TCTN2: variants seen among roughly 807,000 people sequenced by gnomAD.
TCTN2 encodes the protein tectonic family member 2, also known as tectonic-2.
TCTN2 carries 66 observed loss-of-function variants against 83.4 expected under a neutral mutation model. The observed-to-expected ratio is 0.79, with a 90% CI of 0.65 to 0.97. The LOEUF (loss-of-function observed/expected upper bound fraction) is 0.97, where lower values mean the gene tolerates loss of function less well. Ranked by LOEUF, TCTN2 falls within the 50% of genes least tolerant of loss-of-function variation. The pLI, the probability that TCTN2 is intolerant of heterozygous loss-of-function variation, is 0.00. For synonymous variants in TCTN2, 301 were observed against 326.7 expected (o/e 0.92, Z 0.85); for missense variants, 794 against 858.1 (o/e 0.93, Z 0.93).
At position 123,671,247 on chromosome 12, in the gene TCTN2, T is replaced by C. The variant is rs772107062; in HGVS notation, c.7T>C (p.Phe3Leu). Residue 3 changes from phenylalanine (F) to leucine (L), a missense_variant, in exon 1 of 18, where the codon TTC becomes CTC. By Grantham distance (22) the Phe-to-Leu change is conservative. Transcript: ENST00000303372. MG[F>L]QPPAALLLRL... The stretch of plus-strand genomic sequence containing the variant: ...GGCCCGCGAGGTCTAAGGCATGGGC[T>C]TCCAGCCTCCGGCCGCTCTTCTTTT... 3 of 1,613,140 alleles carry C rather than the reference T, an allele frequency of 1.9e-6. No individual in the cohort carries two copies. The African/African-American group carries it at 4.0e-5, about 21-fold the overall frequency.
At position 123,671,562 on chromosome 12, in the gene TCTN2, C is replaced by CG; in HGVS notation, c.140dup (p.Asp48ArgfsTer30). The CG allele has an allele frequency of 6.2e-7, 1 of 1,614,010 alleles. No individual in the cohort carries two copies. Among genetic ancestry groups the CG allele is most frequent in the Non-Finnish European group, 8.5e-7 (1 of 1,180,020 alleles). On this transcript the variant is annotated frameshift_variant, in exon 2 of 18. Transcript: ENST00000303372. LOFTEE classifies it high-confidence loss of function. The stretch of plus-strand genomic sequence containing the variant: ...GCCCTGCGGTCAGCGCGTCCCTGGT[C>CG]GGAGACACCGAGGGTGTGACCGTGT...
Position 123,671,180 on chromosome 12 carries a change from G to A in TCTN2, c.-61G>A, listed in dbSNP as rs1395999601. The A allele has an allele frequency of 4.4e-5, 67 of 1,511,054 alleles. No homozygotes were observed. The highest frequency in any genetic ancestry group is 5.9e-5 in the Non-Finnish European group (65 of 1,107,968). 93.6% of individuals were successfully genotyped at this position (1,511,054 alleles called of 1,614,324 possible). A position where few individuals can be genotyped will look rare whatever the true frequency, so the allele number is the denominator to read the frequency against. On this transcript the variant is annotated 5_prime_UTR_variant, in exon 1 of 18. Coordinates refer to ENST00000303372, the MANE Select transcript of TCTN2 (RefSeq NM_024809.5). The stretch of plus-strand genomic sequence containing the variant: ...GTGGCTGCTGCGTTTTCGTGTCTGA[G>A]TCCTTCCTGGGTTCTAATGAGGGCG...
chr12:123,681,829 C>T (rs1468873478), intron 5 of TCTN2, among the ~76,000 whole-genome samples: 1 of 152,126 alleles, frequency 6.6e-6, no homozygotes, highest in Non-Finnish European at 1.5e-5. Context: ...GAAGCAGTTG[C>T]ATCATTTTAA....
intron 5 of TCTN2, among the ~76,000 whole-genome samples, chr12:123,682,518 G>A (rs1955911401): frequency 6.6e-6 from 1 of 151,884 alleles, no homozygotes; most frequent in Non-Finnish European, 1.5e-5. Flanking sequence ...TTTCGCTCTT[G>A]TTGCCTAGGC....
chr12:123,682,129 C>T (rs1297689616), intron 5 of TCTN2, among the ~76,000 whole-genome samples: 1 of 152,206 alleles, frequency 6.6e-6, no homozygotes, highest in Non-Finnish European at 1.5e-5. Context: ...CACCACCACA[C>T]ACAGTTAATT....
intron 11 of TCTN2, chr12:123,696,145 A>G: frequency 2.4e-6 from 1 of 420,700 alleles, no homozygotes; most frequent in Non-Finnish European, 4.5e-6. Context: ...CGCCTGGCCG[A>G]CATGGTATTC....
At chr12:123,680,577 C>T (rs1228886462) in intron 5 of TCTN2, among the ~76,000 whole-genome samples, 1 of 148,430 alleles carries the variant, frequency 6.7e-6, no homozygotes, top group East Asian at 2.0e-4. Context: ...AGTGCAGTGA[C>T]ACGATCTCGG....
chr12:123,695,321 T>A, intron 11 of TCTN2, 24 bp downstream of exon 11: 1 of 1,480,696 alleles, frequency 6.8e-7, no homozygotes, highest in Non-Finnish European at 9.4e-7. Context: ...ATGCCAGTCA[T>A]TGATCTTACA....
intron 5 of TCTN2, among the ~76,000 whole-genome samples, chr12:123,684,746 TTAATTAAA>T (rs906760219): frequency 2.0e-5 from 3 of 151,926 alleles, no homozygotes; most frequent in Non-Finnish European, 2.9e-5. Context: ...ACAATTAAAT[TTAATTAAA>T]AGAGTAAAGT....
rs772840076 is a variant in TCTN2, at chr12:123,673,622, T to TCAC, written c.275_276insCAC (p.Leu92delinsPheThr). 6.2e-7 allele frequency: 1 copy of TCAC among 1,614,222 alleles called. No individual in the cohort carries two copies. The highest frequency in any genetic ancestry group is 1.7e-5 in the Admixed American group (1 of 60,034). Reference sequence around the variant, plus strand: ...GCAATGTTTTCCTTTCAGAAGGTGTTGGAAGTGACAGTGAGGTGGAAGAGA... The same window carrying TCAC: ...GCAATGTTTTCCTTTCAGAAGGTGTTCACGGAAGTGACAGTGAGGTGGAAGAGA... On this transcript the variant is annotated protein_altering_variant, in exon 4 of 18. Transcript: ENST00000303372.
chr12:123,693,043 T>TTTTA (rs1956063445), intron 9 of TCTN2, among the ~76,000 whole-genome samples: 2 of 97,568 alleles, frequency 2.0e-5, no homozygotes, highest in African/African-American at 8.1e-5. Context: ...TTTTTTTTTT[T>TTTTA]GAGGCGGAGT....
At chr12:123,689,005 C>T (rs1479156611) in intron 7 of TCTN2, among the ~76,000 whole-genome samples, 1 of 151,706 alleles carries the variant, frequency 6.6e-6, no homozygotes, top group Non-Finnish European at 1.5e-5. Context: ...ATCTGCCTGC[C>T]TCAGCCTCCC....
At chr12:123,681,205 T>A (rs976068234) in intron 5 of TCTN2, among the ~76,000 whole-genome samples, 1 of 147,362 alleles carries the variant, frequency 6.8e-6, no homozygotes, top group East Asian at 1.9e-4. Flanking sequence ...TGGAGTGAGC[T>A]ATGATCACAC....
intron 5 of TCTN2, among the ~76,000 whole-genome samples, chr12:123,685,877 CCAT>C (rs1955960173): frequency 6.6e-6 from 1 of 150,980 alleles, no homozygotes; most frequent in South Asian, 2.1e-4. Context: ...ATGTCCACCA[CCAT>C]GCCTGGCTAA....
At chr12:123,671,432 C>A in intron 1 of TCTN2, 75 bp from the exon 2 acceptor site, 1 of 1,588,570 alleles carries the variant, frequency 6.3e-7, no homozygotes, top group Non-Finnish European at 8.6e-7. Flanking sequence ...AACGCCAAAG[C>A]AAGCCGCCAC....
At position 123,695,263 on chromosome 12, in the gene TCTN2, T is replaced by C. The variant is rs765305438; in HGVS notation, c.1278T>C (p.Asn426=). 3 of 1,581,958 alleles carry C rather than the reference T, an allele frequency of 1.9e-6. No homozygotes were observed. The highest frequency in any genetic ancestry group is 2.6e-6 in the Non-Finnish European group (3 of 1,151,170). Reference sequence around the variant, plus strand: ...TTGTAGTAAAATTTTTAAGCTATAATAGTGGTAATGAAGAAGAATTATCTG... The same window carrying C: ...TTGTAGTAAAATTTTTAAGCTATAACAGTGGTAATGAAGAAGAATTATCTG... ...QRFVVKFLSY[N]SGNEEELSGN... The change falls in exon 11 of 18, where the codon AAT becomes AAC. Residue 426 remains asparagine (N), a synonymous_variant. Transcript: ENST00000303372.
At chr12:123,690,275 G>A (rs1404126249) in intron 7 of TCTN2, among the ~76,000 whole-genome samples, 1 of 152,194 alleles carries the variant, frequency 6.6e-6, no homozygotes, top group Non-Finnish European at 1.5e-5. Flanking sequence ...AAACTAAATA[G>A]AACAGGACAA....
In TCTN2 at chr12:123,679,334, G is replaced by GAACAC. The variant is rs776101732; in HGVS notation, c.564+46_564+50dup. 29 of 1,516,978 alleles carry GAACAC rather than the reference G, an allele frequency of 1.9e-5. No individual in the cohort carries two copies. The African/African-American group carries it at 3.8e-4, about 20-fold the overall frequency. The allele number at this position is 1,516,978 out of a possible 1,614,324, so 94.0% of individuals were successfully genotyped here. ...GGCACAAAAGTTATGCTACCTGTGA[G>GAACAC]AACACCAGCAGTTCCACCAACAGCT... On this transcript the variant is annotated intron_variant, in intron 5 of 17. Transcript: ENST00000303372.
chr12:123,673,952 C>A, intron 4 of TCTN2, 142 bp downstream of exon 4: 2 of 790,728 alleles, frequency 2.5e-6, no homozygotes, highest in Non-Finnish European at 4.2e-6. Flanking sequence ...GAGCTGTGAT[C>A]GCGCCACTGC....
Sources: allele counts gnomAD v4.1 joint callset (sites outside exome capture counted in the v4.1 genomes callset), GRCh38; gene constraint gnomAD v4.1.1; transcripts MANE v1.5; gene names NCBI Gene and HGNC (gene_info 2026-07-23, HGNC 2026-07-21).